Variants in FHIT observed in about 807,000 individuals in gnomAD.
The protein encoded by FHIT is bis(5'-adenosyl)-triphosphatase.
FHIT carries 19 observed loss-of-function variants against 17.9 expected under a neutral mutation model. That is an observed-to-expected ratio of 1.06 (90% CI 0.74 to 1.56). The LOEUF (loss-of-function observed/expected upper bound fraction) is 1.56. Among genes scored for constraint, FHIT ranks in the 40% most tolerant of loss-of-function variants. The probability of loss-of-function intolerance (pLI) is 0.00; values close to 1 mark genes in which losing one functional copy is unlikely to be tolerated. For missense variants in FHIT, 248 were observed against 189.2 expected, an observed-to-expected ratio of 1.31 and a Z score of -1.82; for synonymous variants, 81 against 69.7, an observed-to-expected ratio of 1.16 and a Z score of -0.81.
At chr3:60,564,707 C>G (rs2037071214) in intron 4 of FHIT, among the ~76,000 whole-genome samples, 1 of 152,114 alleles carries the variant, frequency 6.6e-6, no homozygotes, top group South Asian at 2.1e-4. Context: ...GCTGTAATCT[C>G]ATGATCAAAC....
At chr3:61,111,578 C>A (rs1335320031) in intron 2 of FHIT, among the ~76,000 whole-genome samples, 1 of 152,190 alleles carries the variant, frequency 6.6e-6, no homozygotes, top group Non-Finnish European at 1.5e-5. Context: ...CACTTCCACA[C>A]CTCCCCAGCT....
intron 5 of FHIT, among the ~76,000 whole-genome samples, chr3:60,315,919 CT>C (rs1191399957): frequency 7.9e-5 from 12 of 152,164 alleles, no homozygotes; most frequent in Non-Finnish European, 1.6e-4. Flanking sequence ...TCATTGTTTT[CT>C]CCCCTATAAC....
chr3:60,230,584 A>T lies in FHIT; in HGVS notation c.104-216432T>A, dbSNP rs1704446900. Reference sequence around the variant, plus strand: ...TGCATCTCAGTTTTGAAATGGATTCAATTCACTGGTCTTGAAAAGAAAAGT... The same window carrying T: ...TGCATCTCAGTTTTGAAATGGATTCTATTCACTGGTCTTGAAAAGAAAAGT... On this transcript the variant is annotated intron_variant, in intron 5 of 9. Transcript: ENST00000492590. Among the ~76,000 whole-genome samples the T allele has an allele frequency of 2.0e-5, 3 of 152,334 alleles. No homozygotes were observed. In the South Asian group the frequency reaches 6.2e-4, roughly 32 times the overall value.
intron 2 of FHIT, among the ~76,000 whole-genome samples, chr3:61,139,753 T>C (rs2037022363): frequency 6.6e-6 from 1 of 152,178 alleles, no homozygotes; most frequent in African/African-American, 2.4e-5. Flanking sequence ...TATGTGGTAC[T>C]ATAATCTTAC....
At chr3:60,925,028 G>C (rs1559834696) in intron 3 of FHIT, among the ~76,000 whole-genome samples, 1 of 152,124 alleles carries the variant, frequency 6.6e-6, no homozygotes, top group African/African-American at 2.4e-5. Flanking sequence ...AAAAAGAAAT[G>C]AACAAAGCCT....
chr3:60,849,344 T>C (rs1703048759), intron 3 of FHIT, among the ~76,000 whole-genome samples: 1 of 151,396 alleles, frequency 6.6e-6, no homozygotes, highest in South Asian at 2.1e-4. Flanking sequence ...GTCAATTCTT[T>C]CCATAGGAAC....
At chr3:60,260,343 G>C (rs1412665970) in intron 5 of FHIT, among the ~76,000 whole-genome samples, 1 of 146,572 alleles carries the variant, frequency 6.8e-6, no homozygotes, top group South Asian at 2.2e-4. Flanking sequence ...CTTCTGTCTT[G>C]ACTAAATTTA....
intron 7 of FHIT, among the ~76,000 whole-genome samples, chr3:59,980,510 G>A (rs1708605752): frequency 6.6e-6 from 1 of 152,168 alleles, no homozygotes; most frequent in African/African-American, 2.4e-5. Flanking sequence ...TATGGGGTTT[G>A]TCTATATAAG....
intron 1 of FHIT, among the ~76,000 whole-genome samples, chr3:61,242,454 C>T (rs2040395665): frequency 6.6e-6 from 1 of 152,078 alleles, no homozygotes; most frequent in African/African-American, 2.4e-5. Flanking sequence ...CTTCATTTAC[C>T]ATACATTTTC....
intron 4 of FHIT, among the ~76,000 whole-genome samples, chr3:60,628,144 T>C (rs1237277306): frequency 6.6e-6 from 1 of 152,226 alleles, no homozygotes; most frequent in Admixed American, 6.5e-5. Flanking sequence ...TTATGTTACA[T>C]CTTCATTTTC....
At chr3:60,589,334 C>T (rs1440639471) in intron 4 of FHIT, among the ~76,000 whole-genome samples, 1 of 151,986 alleles carries the variant, frequency 6.6e-6, no homozygotes, top group Non-Finnish European at 1.5e-5. Context: ...TAGAACCAAT[C>T]ACTTGTATTT....
intron 4 of FHIT, among the ~76,000 whole-genome samples, chr3:60,726,664 G>A (rs1553709654): frequency 6.6e-6 from 1 of 152,124 alleles, no homozygotes; most frequent in African/African-American, 2.4e-5. Flanking sequence ...AATAATAGCT[G>A]ACATGTATTG....
intron 8 of FHIT, among the ~76,000 whole-genome samples, chr3:59,883,687 C>T (rs951172071): frequency 1.3e-5 from 2 of 152,210 alleles, no homozygotes; most frequent in Non-Finnish European, 2.9e-5. Context: ...TAGTGTGCTA[C>T]CGCACGTCTC....
At chr3:60,137,188 C>T (rs751728762) in intron 5 of FHIT, among the ~76,000 whole-genome samples, 1 of 152,158 alleles carries the variant, frequency 6.6e-6, no homozygotes, top group African/African-American at 2.4e-5. Context: ...GGTACCTCGC[C>T]TCCCTAGAGC....
intron 4 of FHIT, among the ~76,000 whole-genome samples, chr3:60,655,204 T>C (rs190839452): frequency 1.0e-3 from 156 of 152,308 alleles, no homozygotes; most frequent in Admixed American, 2.9e-3. Context: ...TGAAAAGTGA[T>C]TGCATTTAGG....
At chr3:60,503,146 G>A (rs184987891) in intron 5 of FHIT, among the ~76,000 whole-genome samples, 39 of 152,254 alleles carry the variant, frequency 2.6e-4, no homozygotes, top group African/African-American at 8.9e-4. Context: ...ACCTATCTGA[G>A]CCTCAATTTC....
chr3:60,162,956 G>C (rs1701004162), intron 5 of FHIT, among the ~76,000 whole-genome samples: 1 of 152,170 alleles, frequency 6.6e-6, no homozygotes, highest in South Asian at 2.1e-4. Flanking sequence ...AGTTCTTCCA[G>C]AGTACAGAGC....
At chr3:60,218,048 C>A (rs1390720309) in intron 5 of FHIT, among the ~76,000 whole-genome samples, 2 of 151,900 alleles carry the variant, frequency 1.3e-5, no homozygotes, top group Non-Finnish European at 2.9e-5. Flanking sequence ...TCTTAATGTG[C>A]AAAATGTTTA....
intron 3 of FHIT, among the ~76,000 whole-genome samples, chr3:61,013,652 T>C (rs1213575973): frequency 6.6e-6 from 1 of 152,094 alleles, no homozygotes; most frequent in African/African-American, 2.4e-5. Flanking sequence ...GAGGAGGTGA[T>C]GAAATGCCAT....
Sources: allele counts gnomAD v4.1 joint callset (sites outside exome capture counted in the v4.1 genomes callset), GRCh38; gene constraint gnomAD v4.1.1; transcripts MANE v1.5; gene names NCBI Gene and HGNC (gene_info 2026-07-23, HGNC 2026-07-21).